Variants in AP2A2 observed in about 807,000 individuals in gnomAD.
AP2A2 encodes the protein AP-2 complex subunit alpha-2.
Under a neutral mutation model 104.2 loss-of-function variants are expected in AP2A2, and 32 were observed. That is an observed-to-expected ratio of 0.31 (90% CI 0.23 to 0.41). The LOEUF (loss-of-function observed/expected upper bound fraction) is 0.41, where lower values mean the gene tolerates loss of function less well. Among genes scored for constraint, AP2A2 ranks in the 10% least tolerant of loss-of-function variants. The pLI, the probability that AP2A2 is intolerant of heterozygous loss-of-function variation, is 1.00. For missense variants in AP2A2, 912 were observed against 1,261.0 expected (o/e 0.72, Z 4.19); for synonymous variants, 539 against 533.3 (o/e 1.01, Z -0.15).
At chr11:972,923 G>A (rs989755548) in intron 4 of AP2A2, among the ~76,000 whole-genome samples, 3 of 152,266 alleles carry the variant, frequency 2.0e-5, no homozygotes, top group Admixed American at 6.5e-5. Context: ...GCGCCGGAGC[G>A]CCCTCGGCCA....
chr11:941,939 A>G (rs141969016), intron 1 of AP2A2, among the ~76,000 whole-genome samples: 1 of 135,870 alleles, frequency 7.4e-6, no homozygotes, highest in Non-Finnish European at 1.6e-5. Flanking sequence ...TTATCTATTT[A>G]TATTTGAGAT....
intron 2 of AP2A2, among the ~76,000 whole-genome samples, chr11:963,648 A>C (rs1214770867): frequency 6.6e-6 from 1 of 152,170 alleles, no homozygotes; most frequent in African/African-American, 2.4e-5. Flanking sequence ...TGATTTACTG[A>C]GACAAGATCT....
rs1854717357 is a variant in AP2A2 at position 968,904 on chromosome 11, G to A, written c.137-1265G>A. 6.6e-6 allele frequency among the ~76,000 whole-genome samples: 1 copy of A among 152,232 alleles called. No homozygotes were observed. The highest frequency in any genetic ancestry group is 1.5e-5 in the Non-Finnish European group (1 of 68,042). On this transcript the variant is annotated intron_variant, in intron 2 of 21. Coordinates refer to ENST00000448903, the MANE Select transcript of AP2A2 (RefSeq NM_012305.4). The surrounding 1 kb of genome is among the most constrained non-coding windows in gnomAD (Gnocchi z 4.2). ...TTTCTCATGAGCTCCTCAGAGTGCA[G>A]CATGCAGCTGACTGGCCGACTGGTG...
At chr11:954,722 G>GGTGT (rs56329960) in intron 1 of AP2A2, among the ~76,000 whole-genome samples, 48 of 150,774 alleles carry the variant, frequency 3.2e-4, no homozygotes, top group East Asian at 7.8e-4. Flanking sequence ...GTGTGTATTT[G>GGTGT]GTGTGTGTGT....
At chr11:984,615 G>C (rs769428174) in intron 6 of AP2A2, 30 bp from the exon 7 acceptor site, 2 of 1,553,254 alleles carry the variant, frequency 1.3e-6, no homozygotes, top group East Asian at 4.5e-5. Context: ...GTGTCCGGCA[G>C]CGTGTCTCAT....
intron 14 of AP2A2, 118 bp from the exon 15 acceptor site, chr11:1,000,314 A>G: frequency 1.0e-6 from 1 of 989,868 alleles, no homozygotes. Flanking sequence ...TGCCCCAGCC[A>G]CTGGGAGTGC....
At chr11:945,149 G>C (rs1050065433) in intron 1 of AP2A2, among the ~76,000 whole-genome samples, 3 of 152,116 alleles carry the variant, frequency 2.0e-5, no homozygotes, top group Non-Finnish European at 2.9e-5. Context: ...CCACGCTGCA[G>C]AGAGGCATGA....
At chr11:959,786 G>A (rs764275520) in intron 2 of AP2A2, among the ~76,000 whole-genome samples, 12 of 152,128 alleles carry the variant, frequency 7.9e-5, no homozygotes, top group Non-Finnish European at 1.8e-4. Flanking sequence ...CGTGCTGGGG[G>A]TTCAGAGGAC....
intron 2 of AP2A2, among the ~76,000 whole-genome samples, chr11:962,113 G>T (rs911953049): frequency 2.0e-5 from 3 of 152,252 alleles, no homozygotes; most frequent in African/African-American, 7.2e-5. Context: ...AAAGGGCTGC[G>T]CCCTGGCACC....
intron 2 of AP2A2, among the ~76,000 whole-genome samples, chr11:965,321 GT>G (rs1854574371): frequency 6.6e-6 from 1 of 152,216 alleles, no homozygotes. Context: ...AGATGTGTAG[GT>G]AACGCCAGTG....
intron 5 of AP2A2, among the ~76,000 whole-genome samples, chr11:978,025 C>T (rs1855109198): frequency 6.6e-6 from 1 of 152,172 alleles, no homozygotes; most frequent in African/African-American, 2.4e-5. Flanking sequence ...TGGGATTTTC[C>T]CGCTTTGCAG....
At chr11:984,194 A>C (rs1400907705) in intron 6 of AP2A2, among the ~76,000 whole-genome samples, 2 of 151,954 alleles carry the variant, frequency 1.3e-5, no homozygotes, top group African/African-American at 4.8e-5. Flanking sequence ...ATGGGATGTG[A>C]GTGAGGTGGG....
intron 16 of AP2A2, among the ~76,000 whole-genome samples, chr11:1,006,104 A>T (rs1020122609): frequency 1.3e-5 from 2 of 152,198 alleles, no homozygotes; most frequent in African/African-American, 2.4e-5. Flanking sequence ...GTGTGTTTGC[A>T]TGTTGCAGTC....
intron 2 of AP2A2, among the ~76,000 whole-genome samples, chr11:964,582 T>G (rs1303293552): frequency 6.6e-6 from 1 of 152,214 alleles, no homozygotes; most frequent in Non-Finnish European, 1.5e-5. Flanking sequence ...CTGAAGTCGG[T>G]TTGGCCAGAG....
intron 1 of AP2A2, among the ~76,000 whole-genome samples, chr11:935,407 A>G (rs966601548): frequency 6.6e-6 from 1 of 151,678 alleles, no homozygotes; most frequent in African/African-American, 2.4e-5. Context: ...ACCTCAAGCA[A>G]TCCACCCACC....
At chr11:985,000 T>C (rs1029226893) in intron 7 of AP2A2, among the ~76,000 whole-genome samples, 3 of 152,244 alleles carry the variant, frequency 2.0e-5, no homozygotes, top group African/African-American at 7.2e-5. Flanking sequence ...GGTTTTCTTT[T>C]TGAGATGGAG....
intron 6 of AP2A2, among the ~76,000 whole-genome samples, chr11:983,021 T>TC: frequency 7.1e-6 from 1 of 139,972 alleles, no homozygotes; most frequent in Admixed American, 7.1e-5. Flanking sequence ...CTTTTTCTTT[T>TC]TTTTTTTTTT....
chr11:941,512 CCT>C lies in AP2A2; in HGVS notation c.67+15426_67+15427del, dbSNP rs982194189. 4.6e-5 allele frequency among the ~76,000 whole-genome samples: 7 copies of C among 151,544 alleles called. No individual in the cohort carries two copies. The East Asian group carries it at 7.8e-4, about 17-fold the overall frequency. On this transcript the variant is annotated intron_variant, in intron 1 of 21. Transcript: ENST00000448903. Reference sequence around the variant, plus strand: ...GCCCAGGCTGGTCCTGAACTCCTGGCCTCAAGTGATTCTCTTGTCTCAGCCTC... The same window carrying C: ...GCCCAGGCTGGTCCTGAACTCCTGGCCAAGTGATTCTCTTGTCTCAGCCTC...
intron 14 of AP2A2, among the ~76,000 whole-genome samples, chr11:998,043 T>C (rs1243570642): frequency 6.6e-6 from 1 of 152,288 alleles, no homozygotes; most frequent in Admixed American, 6.5e-5. Flanking sequence ...CCAAGGCCGA[T>C]GGCTTCCCAC....
Sources: allele counts gnomAD v4.1 joint callset (sites outside exome capture counted in the v4.1 genomes callset), GRCh38; gene constraint gnomAD v4.1.1; non-coding constraint Gnocchi (gnomAD v3.1); transcripts MANE v1.5; gene names NCBI Gene and HGNC (gene_info 2026-07-23, HGNC 2026-07-21).